Variants in LINGO2 observed in about 807,000 individuals in gnomAD.
LINGO2 encodes leucine rich repeat and Ig domain containing 2, also known as leucine-rich repeat and immunoglobulin-like domain-containing nogo receptor-interacting protein 2.
LINGO2 carries 14 observed loss-of-function variants against 30.6 expected under a neutral mutation model. That is an observed-to-expected ratio of 0.46 (90% CI 0.30 to 0.72). The LOEUF (loss-of-function observed/expected upper bound fraction) is 0.72. LINGO2 is among the 30% of genes least tolerant of loss of function. LINGO2 has a pLI of 0.07. For synonymous variants in LINGO2, 317 were observed against 288.5 expected (o/e 1.10, Z -1.00); for missense variants, 729 against 751.7 (o/e 0.97, Z 0.35).
At chr9:29,022,977 CAAAA>C in the LINGO2 span, among the ~76,000 whole-genome samples, 3 of 133,258 alleles carry the variant, frequency 2.3e-5, no homozygotes, top group African/African-American at 2.9e-5. Flanking sequence ...CTCTTTGAGC[CAAAA>C]AAAAAAAAAA....
At chr9:28,188,637 G>A (rs941555586) in intron 4 of LINGO2, among the ~76,000 whole-genome samples, 1 of 152,222 alleles carries the variant, frequency 6.6e-6, no homozygotes, top group South Asian at 2.1e-4. Flanking sequence ...TTAAAAAAAA[G>A]TGACGGAGAT....
intron 4 of LINGO2, among the ~76,000 whole-genome samples, chr9:28,139,953 G>T (rs558980872): frequency 6.6e-6 from 1 of 152,208 alleles, no homozygotes; most frequent in East Asian, 1.9e-4. Context: ...CACCTTACAA[G>T]CACGCCTTTT....
chr9:28,125,505 G>T (rs1827211543), intron 4 of LINGO2, among the ~76,000 whole-genome samples: 1 of 152,182 alleles, frequency 6.6e-6, no homozygotes, highest in African/African-American at 2.4e-5. Flanking sequence ...CTGCCCAAAT[G>T]CTGAAGCTAG....
chr9:28,526,984 A>G (rs368232616), intron 1 of LINGO2, among the ~76,000 whole-genome samples: 1 of 152,210 alleles, frequency 6.6e-6, no homozygotes, highest in South Asian at 2.1e-4. Context: ...TATGAATTAA[A>G]TATTACATTA....
chr9:28,098,727 T>G (rs1826323120), intron 4 of LINGO2, among the ~76,000 whole-genome samples: 1 of 152,108 alleles, frequency 6.6e-6, no homozygotes, highest in Non-Finnish European at 1.5e-5. Flanking sequence ...GTGTTAAGCA[T>G]TATAAAATAT....
In LINGO2 at chr9:28,580,618, G is replaced by A. The variant is rs150935035; in HGVS notation, c.-365+89582C>T. On this transcript the variant is annotated intron_variant, in intron 1 of 5. Coordinates refer to ENST00000379992, the Ensembl canonical transcript of LINGO2. ...ACATTAACTGTAGAAATGGAATGTT[G>A]TATGGTTATACTGTCTGCTAAATGC... Among the ~76,000 whole-genome samples, 396 of 152,134 alleles carry A rather than the reference G, an allele frequency of 2.6e-3. 3 individuals are homozygous for A. Among genetic ancestry groups the A allele is most frequent in the African/African-American group, 9.1e-3 (378 of 41,522 alleles).
the LINGO2 span, among the ~76,000 whole-genome samples, chr9:28,993,193 A>T: frequency 2.0e-5 from 3 of 151,928 alleles, no homozygotes; most frequent in East Asian, 1.9e-4. Context: ...TATCACCACC[A>T]ATCCCACAGA....
the LINGO2 span, among the ~76,000 whole-genome samples, chr9:28,833,359 TTC>T: frequency 6.6e-6 from 1 of 152,310 alleles, no homozygotes; most frequent in African/African-American, 2.4e-5. Context: ...CAATTCCATA[TTC>T]ACTTGGACAG....
At chr9:28,683,284 T>G in the LINGO2 span, among the ~76,000 whole-genome samples, 1 of 152,140 alleles carries the variant, frequency 6.6e-6, no homozygotes, top group East Asian at 1.9e-4. Flanking sequence ...CTAAGCAAGA[T>G]AGATGAGCCG....
intron 5 of LINGO2, among the ~76,000 whole-genome samples, chr9:27,999,609 C>A (rs911930027): frequency 6.6e-6 from 1 of 152,116 alleles, no homozygotes; most frequent in Non-Finnish European, 1.5e-5. Context: ...TCTGCTGCCT[C>A]CCTGGAAGAG....
Position 28,222,091 on chromosome 9 carries a change from T to TA in LINGO2, c.-87+73116dup, listed in dbSNP as rs529476882. ...AGCATGAATATATTCATTTTACAAATAAAAAAATTATAGAACAAAGGAAGA... is the reference window on the plus strand; with the variant it reads ...AGCATGAATATATTCATTTTACAAATAAAAAAAATTATAGAACAAAGGAAGA... On this transcript the variant is annotated intron_variant, in intron 4 of 5. Coordinates refer to ENST00000379992, the Ensembl canonical transcript of LINGO2. Among the ~76,000 whole-genome samples, 18 of 152,212 alleles carry TA rather than the reference T, an allele frequency of 1.2e-4. No individual in the cohort carries two copies. The East Asian group carries it at 3.3e-3, about 28-fold the overall frequency.
intron 4 of LINGO2, among the ~76,000 whole-genome samples, chr9:28,030,990 T>A (rs1398111476): frequency 2.0e-5 from 3 of 152,108 alleles, no homozygotes; most frequent in Non-Finnish European, 4.4e-5. Context: ...GAGAGAGAGA[T>A]TTCCTGAGAA....
intron 4 of LINGO2, among the ~76,000 whole-genome samples, chr9:28,051,330 T>C (rs1191369819): frequency 6.6e-6 from 1 of 152,120 alleles, no homozygotes; most frequent in Non-Finnish European, 1.5e-5. Flanking sequence ...CAGAAAAGTT[T>C]CTTTCCAAAA....
chr9:28,221,298 T>TAA (rs141151588), intron 4 of LINGO2, among the ~76,000 whole-genome samples: 4 of 83,738 alleles, frequency 4.8e-5, no homozygotes, highest in African/African-American at 1.5e-4. Context: ...AGACCCCGTC[T>TAA]AAAAAAAAAA....
chr9:28,263,700 C>A (rs1203014395), intron 4 of LINGO2, among the ~76,000 whole-genome samples: 1 of 151,898 alleles, frequency 6.6e-6, no homozygotes, highest in African/African-American at 2.4e-5. Context: ...GCCATGTGAC[C>A]ACAGCTGCTT....
chr9:29,170,493 A>C, the LINGO2 span, among the ~76,000 whole-genome samples: 2 of 152,170 alleles, frequency 1.3e-5, no homozygotes, highest in Admixed American at 6.5e-5. Context: ...TGTATAATGT[A>C]TACTATTCAG....
At chr9:28,436,116 GC>G (rs1483565574) in intron 2 of LINGO2, among the ~76,000 whole-genome samples, 4 of 152,118 alleles carry the variant, frequency 2.6e-5, no homozygotes, top group Non-Finnish European at 4.4e-5. Context: ...TTTCTCAGAA[GC>G]TTTTGACCAA....
rs1820480448 is a variant in LINGO2 at position 28,208,350 on chromosome 9, T to G, written c.-87+86858A>C. Among the ~76,000 whole-genome samples, 3 of 152,130 alleles carry G rather than the reference T, an allele frequency of 2.0e-5. No individual in the cohort carries two copies. In the South Asian group the frequency reaches 6.2e-4, roughly 31 times the overall value. ...ATAGACACAAATCCTAAGACTGTGT[T>G]AAATCTATTCAAAGCATTTTTATGA... is the stretch of plus-strand genomic sequence containing the variant. On this transcript the variant is annotated intron_variant, in intron 4 of 5. Transcript: ENST00000379992.
the LINGO2 span, among the ~76,000 whole-genome samples, chr9:28,885,696 T>G: frequency 2.0e-5 from 3 of 152,200 alleles, no homozygotes; most frequent in African/African-American, 7.2e-5. Context: ...CAATGAATAA[T>G]AAAACTGAAC....
Sources: gnomAD v4.1 joint callset for allele counts (sites outside exome capture counted in the v4.1 genomes callset) on GRCh38, gnomAD v4.1.1 for gene constraint, MANE v1.5 for transcripts, NCBI Gene and HGNC (gene_info 2026-07-23, HGNC 2026-07-21) for gene names.